Variants in FHIT observed in about 807,000 individuals in gnomAD.
The protein encoded by FHIT is fragile histidine triad diadenosine triphosphatase.
FHIT carries 19 observed loss-of-function variants against 17.9 expected under a neutral mutation model. The ratio of observed to expected loss-of-function variants is 1.06; its 90% CI spans 0.74 to 1.56. The LOEUF (loss-of-function observed/expected upper bound fraction) is 1.56. Ranked by LOEUF, FHIT falls within the 40% of genes most tolerant of loss-of-function variation. The probability of loss-of-function intolerance (pLI) is 0.00; values close to 1 mark genes in which losing one functional copy is unlikely to be tolerated. For missense variants in FHIT, 248 were observed against 189.2 expected (o/e 1.31, Z -1.82); for synonymous variants, 81 against 69.7 (o/e 1.16, Z -0.81).
chr3:60,317,557 CATATATCATTATATATAATTAT>C (rs1456899111), intron 5 of FHIT, among the ~76,000 whole-genome samples: 13 of 147,330 alleles, frequency 8.8e-5, no homozygotes, highest in African/African-American at 3.2e-4. Flanking sequence ...AATATATATA[CATATATCATTATATATAATTAT>C]ATATATCATT....
At chr3:60,611,174 T>C (rs2038774027) in intron 4 of FHIT, among the ~76,000 whole-genome samples, 1 of 152,184 alleles carries the variant, frequency 6.6e-6, no homozygotes, top group African/African-American at 2.4e-5. Flanking sequence ...CAAATGTTTA[T>C]TGGGTACTGA....
At chr3:61,125,033 T>A (rs79326936) in intron 2 of FHIT, among the ~76,000 whole-genome samples, 3,157 of 152,226 alleles carry the variant, frequency 0.021, 43 homozygotes, top group African/African-American at 0.028. Context: ...TACCAAATCA[T>A]TTTTTCTCCA....
At chr3:59,988,639 G>C (rs1709092632) in intron 7 of FHIT, among the ~76,000 whole-genome samples, 1 of 152,044 alleles carries the variant, frequency 6.6e-6, no homozygotes, top group African/African-American at 2.4e-5. Context: ...GTCTCCTGGT[G>C]AAGGATTTTA....
chr3:60,741,999 A>G (rs933814486), intron 4 of FHIT, among the ~76,000 whole-genome samples: 4 of 152,212 alleles, frequency 2.6e-5, no homozygotes, highest in Non-Finnish European at 4.4e-5. Context: ...CTTAATGTCT[A>G]GAAGTTTCCC....
intron 3 of FHIT, among the ~76,000 whole-genome samples, chr3:60,881,336 A>G (rs1704966641): frequency 6.6e-6 from 1 of 152,230 alleles, no homozygotes; most frequent in African/African-American, 2.4e-5. Context: ...CCCCAATGCC[A>G]TAATAGTTGG....
At chr3:60,925,335 A>G (rs2107334466) in intron 3 of FHIT, among the ~76,000 whole-genome samples, 1 of 152,352 alleles carries the variant, frequency 6.6e-6, no homozygotes, top group Non-Finnish European at 1.5e-5. Context: ...CACAAAGGGA[A>G]GCCCATTCAG....
intron 5 of FHIT, among the ~76,000 whole-genome samples, chr3:60,324,409 C>T (rs1413740465): frequency 1.3e-5 from 2 of 151,782 alleles, no homozygotes; most frequent in Non-Finnish European, 2.9e-5. Context: ...ATGGTGAAAC[C>T]CTGTCTCTAC....
chr3:60,475,759 G>A (rs907843824), intron 5 of FHIT, among the ~76,000 whole-genome samples: 4 of 152,316 alleles, frequency 2.6e-5, no homozygotes, highest in African/African-American at 9.6e-5. Context: ...GACACTTCTT[G>A]AGTGCTGAGC....
chr3:60,331,458 G>T (rs990255940), intron 5 of FHIT, among the ~76,000 whole-genome samples: 4 of 152,300 alleles, frequency 2.6e-5, no homozygotes, highest in South Asian at 2.1e-4. Flanking sequence ...AGATGACAAA[G>T]AACACAATTT....
intron 5 of FHIT, among the ~76,000 whole-genome samples, chr3:60,101,645 C>T (rs140491284): frequency 6.6e-6 from 1 of 152,330 alleles, no homozygotes; most frequent in Non-Finnish European, 1.5e-5. Context: ...TCCATGAGGG[C>T]ACAGCCCTTG....
chr3:60,786,873 G>A (rs1553727103), intron 4 of FHIT, among the ~76,000 whole-genome samples: 1 of 151,600 alleles, frequency 6.6e-6, no homozygotes, highest in Non-Finnish European at 1.5e-5. Flanking sequence ...CTAAATCTGA[G>A]TATATAAAAG....
At chr3:61,104,653 GA>G (rs2035938434) in intron 2 of FHIT, among the ~76,000 whole-genome samples, 4 of 152,154 alleles carry the variant, frequency 2.6e-5, no homozygotes, top group Non-Finnish European at 5.9e-5. Context: ...ATGATATCCT[GA>G]AATATGTTTT....
At chr3:60,892,938 T>G (rs73097803) in intron 3 of FHIT, among the ~76,000 whole-genome samples, 1 of 152,132 alleles carries the variant, frequency 6.6e-6, no homozygotes, top group Non-Finnish European at 1.5e-5. Context: ...AATGTCTACT[T>G]TTATATTTAT....
At chr3:61,204,307 T>C (rs573017962) in intron 1 of FHIT, among the ~76,000 whole-genome samples, 2 of 152,294 alleles carry the variant, frequency 1.3e-5, no homozygotes, top group East Asian at 3.9e-4. Flanking sequence ...TAATGATCTG[T>C]TTCTTGGCCT....
intron 5 of FHIT, among the ~76,000 whole-genome samples, chr3:60,467,867 T>C (rs915718097): frequency 6.6e-6 from 1 of 152,258 alleles, no homozygotes; most frequent in African/African-American, 2.4e-5. Flanking sequence ...GTTTGCTGAC[T>C]TTCTGTCTGG....
At chr3:60,417,112 T>A (rs537851202) in intron 5 of FHIT, among the ~76,000 whole-genome samples, 1 of 150,122 alleles carries the variant, frequency 6.7e-6, no homozygotes, top group Non-Finnish European at 1.5e-5. Flanking sequence ...AAAAAAAAAA[T>A]TTGAGAACAA....
chr3:60,431,039 C>T (rs1377408024), intron 5 of FHIT, among the ~76,000 whole-genome samples: 1 of 151,996 alleles, frequency 6.6e-6, no homozygotes, highest in African/African-American at 2.4e-5. Context: ...TGGTGAAACC[C>T]TGTCTCTACT....
intron 5 of FHIT, among the ~76,000 whole-genome samples, chr3:60,458,946 G>A (rs972909665): frequency 5.4e-5 from 6 of 112,136 alleles, no homozygotes; most frequent in African/African-American, 1.5e-4. Context: ...TGGCTAATTT[G>A]TCTTATTTTT....
chr3:60,647,468 A>G (rs942914363), intron 4 of FHIT, among the ~76,000 whole-genome samples: 2 of 152,152 alleles, frequency 1.3e-5, no homozygotes, highest in Admixed American at 6.5e-5. Context: ...CCTCCTAGAA[A>G]GAAGAAGAGA....
Sources: gnomAD v4.1 joint callset for allele counts (sites outside exome capture counted in the v4.1 genomes callset) on GRCh38, gnomAD v4.1.1 for gene constraint, MANE v1.5 for transcripts, NCBI Gene and HGNC (gene_info 2026-07-23, HGNC 2026-07-21) for gene names.